MAGI1: variants seen among roughly 807,000 people sequenced by gnomAD.
MAGI1 encodes membrane-associated guanylate kinase, WW and PDZ domain-containing protein 1.
In MAGI1, 58 loss-of-function variants were observed where a neutral mutation model predicts 139.9. The observed-to-expected ratio is 0.41, with a 90% CI of 0.34 to 0.52. MAGI1 has a LOEUF of 0.52. Among genes scored for constraint, MAGI1 ranks in the 20% least tolerant of loss-of-function variants. The pLI is 0.12. For synonymous variants in MAGI1, 812 were observed against 737.9 expected (o/e 1.10, Z -1.63); for missense variants, 1,874 against 1,901.6 (o/e 0.99, Z 0.27).
intron 12 of MAGI1, among the ~76,000 whole-genome samples, chr3:65,424,164 G>A (rs1946836017): frequency 1.3e-5 from 2 of 152,126 alleles, no homozygotes; most frequent in South Asian, 4.2e-4. Flanking sequence ...AACACAGCTT[G>A]AACATAGTAA....
At chr3:65,800,536 A>G (rs1013221399) in intron 1 of MAGI1, among the ~76,000 whole-genome samples, 3 of 152,116 alleles carry the variant, frequency 2.0e-5, no homozygotes, top group Non-Finnish European at 4.4e-5. Flanking sequence ...GGCCCAGTGA[A>G]CAGGTGCTTG....
intron 1 of MAGI1, among the ~76,000 whole-genome samples, chr3:65,821,302 C>G (rs1309725143): frequency 6.6e-6 from 1 of 152,138 alleles, no homozygotes; most frequent in African/African-American, 2.4e-5. Context: ...TTCCCCTGCC[C>G]TGTTTCAGGC....
intron 1 of MAGI1, among the ~76,000 whole-genome samples, chr3:65,694,407 G>A (rs939918452): frequency 2.0e-5 from 3 of 151,916 alleles, no homozygotes; most frequent in African/African-American, 7.3e-5. Context: ...TATACATAAT[G>A]TGCTTTGGAA....
chr3:65,703,979 T>G (rs1050221421), intron 1 of MAGI1, among the ~76,000 whole-genome samples: 1 of 152,176 alleles, frequency 6.6e-6, no homozygotes, highest in African/African-American at 2.4e-5. Context: ...TGAGTTTTTT[T>G]GGGAAGCTGG....
At chr3:65,857,129 C>A (rs994498255) in intron 1 of MAGI1, among the ~76,000 whole-genome samples, 10 of 152,180 alleles carry the variant, frequency 6.6e-5, no homozygotes, top group Non-Finnish European at 1.3e-4. Flanking sequence ...TTCTCAATAG[C>A]AGTTGGCCTT....
chr3:65,456,931 T>C (rs928519722), intron 5 of MAGI1, among the ~76,000 whole-genome samples: 8 of 152,226 alleles, frequency 5.3e-5, no homozygotes, highest in African/African-American at 1.7e-4. Context: ...ATTGTGACTA[T>C]ATAATAAAGT....
intron 2 of MAGI1, among the ~76,000 whole-genome samples, chr3:65,600,845 G>C (rs894280844): frequency 6.6e-6 from 1 of 152,216 alleles, no homozygotes; most frequent in Non-Finnish European, 1.5e-5. Flanking sequence ...GTGACCACTT[G>C]CGAGGCAGTA....
chr3:65,821,891 C>T (rs2041971765), intron 1 of MAGI1, among the ~76,000 whole-genome samples: 1 of 152,188 alleles, frequency 6.6e-6, no homozygotes, highest in Non-Finnish European at 1.5e-5. Flanking sequence ...GGCTTAGACA[C>T]ACTAATAAAC....
chr3:65,469,437 G>C (rs1214397033), intron 5 of MAGI1, among the ~76,000 whole-genome samples: 1 of 151,500 alleles, frequency 6.6e-6, no homozygotes, highest in East Asian at 1.9e-4. Flanking sequence ...CTGTTGGTTA[G>C]GAAAACCACA....
chr3:65,945,016 C>T (rs1347085704), intron 1 of MAGI1, among the ~76,000 whole-genome samples: 3 of 152,150 alleles, frequency 2.0e-5, no homozygotes, highest in Non-Finnish European at 2.9e-5. Context: ...TCATCCATCA[C>T]GTTACAACAT....
At chr3:65,521,594 T>G (rs181692460) in intron 2 of MAGI1, among the ~76,000 whole-genome samples, 1 of 152,314 alleles carries the variant, frequency 6.6e-6, no homozygotes, top group Non-Finnish European at 1.5e-5. Flanking sequence ...TCATGGACAA[T>G]GAAAACTCAC....
intron 1 of MAGI1, among the ~76,000 whole-genome samples, chr3:65,893,629 TAC>T (rs1322680124): frequency 6.6e-6 from 1 of 152,234 alleles, no homozygotes. Flanking sequence ...TGCCCCAGGT[TAC>T]ACAGTTACTA....
chr3:65,679,269 A>G (rs1248447510), intron 1 of MAGI1, among the ~76,000 whole-genome samples: 1 of 152,220 alleles, frequency 6.6e-6, no homozygotes, highest in Non-Finnish European at 1.5e-5. Context: ...CTTAAAATCC[A>G]GCACTCAGCG....
intron 1 of MAGI1, among the ~76,000 whole-genome samples, chr3:65,968,139 T>A (rs745787816): frequency 2.0e-5 from 3 of 152,216 alleles, no homozygotes; most frequent in African/African-American, 7.2e-5. Context: ...AATTAAATTT[T>A]AGGCATGTTC....
rs375859696 is a variant in MAGI1, at chr3:65,804,806, T to C, written c.314-182718A>G. Among the ~76,000 whole-genome samples, 4 of 152,150 alleles carry C rather than the reference T, an allele frequency of 2.6e-5. No homozygotes were observed. In the East Asian group the frequency reaches 7.7e-4, roughly 29 times the overall value. On this transcript the variant is annotated intron_variant, in intron 1 of 22. Transcript: ENST00000402939. ...CACACATCTACAACCATCTGATCTT[T>C]GACAAACCGGACAAAAACAATCAAT...
chr3:65,631,834 G>T (rs903857933), intron 1 of MAGI1, among the ~76,000 whole-genome samples: 4 of 151,992 alleles, frequency 2.6e-5, no homozygotes, highest in African/African-American at 9.7e-5. Flanking sequence ...GACCATCCTG[G>T]CCAACATGGT....
intron 1 of MAGI1, among the ~76,000 whole-genome samples, chr3:65,950,067 C>CAAAAAAAAACAAAAA (rs2063733550): frequency 1.3e-5 from 1 of 76,708 alleles, no homozygotes; most frequent in Non-Finnish European, 2.2e-5. Flanking sequence ...AACAAAAAAA[C>CAAAAAAAAACAAAAA]AAAAAAAAAA....
At chr3:65,696,090 C>T (rs562010097) in intron 1 of MAGI1, among the ~76,000 whole-genome samples, 1 of 152,326 alleles carries the variant, frequency 6.6e-6, no homozygotes, top group South Asian at 2.1e-4. Flanking sequence ...GTTCCAGCTT[C>T]ACTGGCGTCT....
At chr3:65,773,683 A>T (rs1325321110) in intron 1 of MAGI1, among the ~76,000 whole-genome samples, 1 of 152,152 alleles carries the variant, frequency 6.6e-6, no homozygotes, top group East Asian at 1.9e-4. Context: ...CTTGTTTATC[A>T]TCTGGAAGTT....
Sources: gnomAD v4.1 joint callset for allele counts (sites outside exome capture counted in the v4.1 genomes callset) on GRCh38, gnomAD v4.1.1 for gene constraint, MANE v1.5 for transcripts, NCBI Gene and HGNC (gene_info 2026-07-23, HGNC 2026-07-21) for gene names.